The following NDUFS2 variants were observed in gnomAD, a reference collection of about 807,000 sequenced individuals.
NDUFS2 encodes NADH dehydrogenase [ubiquinone] iron-sulfur protein 2, mitochondrial.
In NDUFS2, 38 loss-of-function variants were observed where a neutral mutation model predicts 69.6. That is an observed-to-expected ratio of 0.55 (90% confidence interval 0.42 to 0.72). NDUFS2 has a LOEUF of 0.72. Among genes scored for constraint, NDUFS2 ranks in the 30% least tolerant of loss-of-function variants. The pLI is 0.00. For missense variants in NDUFS2, 468 were observed against 595.0 expected (o/e 0.79, Z 2.22); for synonymous variants, 194 against 211.2 (o/e 0.92, Z 0.70).
At position 161,205,745 on chromosome 1, in the gene NDUFS2, G is replaced by C. The variant is rs1665424489; in HGVS notation, c.203-662G>C. 3.3e-5 allele frequency among the ~76,000 whole-genome samples: 5 copies of C among 150,688 alleles called. No homozygotes were observed. The Admixed American group carries it at 3.3e-4, about 10-fold the overall frequency. ...ATGGTGCTGCTGCACTCCAGCCTGG[G>C]TGCAGAGTGAGACTCTGTCTCAAAA... On this transcript the variant is annotated intron_variant, in intron 2 of 13. Coordinates refer to ENST00000676972, the MANE Select transcript of NDUFS2 (RefSeq NM_001377299.1).
intron 3 of NDUFS2, among the ~76,000 whole-genome samples, chr1:161,207,086 A>G (rs944254712): frequency 6.6e-6 from 1 of 152,220 alleles, no homozygotes; most frequent in African/African-American, 2.4e-5. Flanking sequence ...AACCCAAATG[A>G]TGAAGGTCAG....
chr1:161,198,432 T>TCTCTGGAAA (rs767731851), upstream of NDUFS2: 29 of 1,592,494 alleles, frequency 1.8e-5, no homozygotes, highest in Non-Finnish European at 2.4e-5. The surrounding 1 kb of genome is among the most constrained non-coding windows in gnomAD (Gnocchi z 4.7). Context: ...CCGTTGAGCT[T>TCTCTGGAAA]CTCTGGAAAC....
intron 2 of NDUFS2, among the ~76,000 whole-genome samples, chr1:161,204,922 G>A (rs1248844250): frequency 4.6e-5 from 7 of 152,020 alleles, no homozygotes; most frequent in East Asian, 1.9e-4. Flanking sequence ...GTGGTGGCAC[G>A]CACCTGTAAT....
chr1:161,211,688 C>T (rs1210640384), intron 9 of NDUFS2, among the ~76,000 whole-genome samples: 1 of 151,490 alleles, frequency 6.6e-6, no homozygotes, highest in Non-Finnish European at 1.5e-5. Context: ...AAATTCTCCT[C>T]CTGTTTTCTC....
chr1:161,213,112 C>T, intron 10 of NDUFS2: 1 of 386,920 alleles, frequency 2.6e-6, no homozygotes, highest in Non-Finnish European at 5.0e-6. Flanking sequence ...ACTCTGTTGG[C>T]CAGGCTGGTC....
chr1:161,206,747 A>C (rs1467450371), intron 3 of NDUFS2, 150 bp downstream of exon 3: 3 of 804,726 alleles, frequency 3.7e-6, no homozygotes, highest in Non-Finnish European at 5.9e-6. Flanking sequence ...GATGGAGGGA[A>C]GTGGCAGGGG....
chr1:161,202,117 G>C, upstream of NDUFS2: 1 of 544,310 alleles, frequency 1.8e-6, no homozygotes, highest in Non-Finnish European at 3.3e-6. Flanking sequence ...CCCCACGCAG[G>C]AACGGCAATT....
At chr1:161,200,616 T>C (rs1353812253), upstream of NDUFS2, among the ~76,000 whole-genome samples, 2 of 152,112 alleles carry the variant, frequency 1.3e-5, 1 homozygote, top group South Asian at 4.1e-4. Context: ...TATCACTTCC[T>C]GGATCACCCA....
At chr1:161,202,551 C>A (rs896977566) in intron 1 of NDUFS2, 71 bp downstream of exon 1, 3 of 1,423,190 alleles carry the variant, frequency 2.1e-6, no homozygotes, top group Admixed American at 3.9e-5. Context: ...ACGCTTTACT[C>A]CCCCAGAAAA....
chr1:161,203,344 T>A (rs1304841612), intron 1 of NDUFS2, 93 bp from the exon 2 acceptor site: 9 of 1,047,478 alleles, frequency 8.6e-6, no homozygotes, highest in South Asian at 6.6e-5. Context: ...AAAAAACAGG[T>A]CATCCTTCCT....
intron 2 of NDUFS2, among the ~76,000 whole-genome samples, chr1:161,205,100 T>C (rs758748624): frequency 1.1e-4 from 17 of 151,988 alleles, no homozygotes; most frequent in Non-Finnish European, 1.3e-4. Flanking sequence ...CTCGGGTCTG[T>C]CAGACTCCAA....
chr1:161,214,084 CT>C, intron 13 of NDUFS2, 71 bp from the exon 14 acceptor site: 1 of 1,613,620 alleles, frequency 6.2e-7, no homozygotes, highest in Non-Finnish European at 8.5e-7. Flanking sequence ...GGTAACACCA[CT>C]TTTTTTGTTT....
rs758249601 is a variant in NDUFS2, at chr1:161,202,368, G to A, written c.-18G>A. On this transcript the variant is annotated 5_prime_UTR_variant, in exon 1 of 14. Transcript: ENST00000676972. Reference sequence around the variant, plus strand: ...CTTCCGCCCGGTTCTCCTTCCCGCAGTCTGCAGCCGGAGTAAGATGGCGGC... The same window carrying A: ...CTTCCGCCCGGTTCTCCTTCCCGCAATCTGCAGCCGGAGTAAGATGGCGGC... 2 of 1,606,202 alleles carry A rather than the reference G, an allele frequency of 1.2e-6. No homozygotes were observed. Among genetic ancestry groups the A allele is most frequent in the Non-Finnish European group, 1.7e-6 (2 of 1,176,740 alleles).
At position 161,213,416 on chromosome 1, in the gene NDUFS2, T is replaced by C. The variant is rs201248152; in HGVS notation, c.1153T>C (p.Tyr385His). The change falls in exon 11 of 14, where the codon TAT becomes CAT. Residue 385 changes from tyrosine to histidine, a missense_variant. By Grantham distance (83) the Tyr-to-His change is moderately conservative. Transcript: ENST00000676972. Reference sequence around the variant, plus strand: ...GTCACTGATTCATCACTTTAAGTTGTATACTGAGGGCTACCAAGTTCCTCC... The same window carrying C: ...GTCACTGATTCATCACTTTAAGTTGCATACTGAGGGCTACCAAGTTCCTCC... ...MESLIHHFKL[Y>H]TEGYQVPPGA... 6.2e-7 allele frequency: 1 copy of C among 1,611,042 alleles called. No individual in the cohort carries two copies. Among genetic ancestry groups the C allele is most frequent in the African/African-American group, 1.3e-5 (1 of 74,896 alleles).
chr1:161,198,480 G>T (rs201397731), upstream of NDUFS2: 8 of 1,568,962 alleles, frequency 5.1e-6, no homozygotes, highest in Admixed American at 1.5e-4. The surrounding 1 kb of genome is among the most constrained non-coding windows in gnomAD (Gnocchi z 4.7). Flanking sequence ...CTGGCCAGCC[G>T]GGCTGAGGGC....
chr1:161,203,642 C>T, intron 2 of NDUFS2, 99 bp downstream of exon 2: 1 of 1,051,578 alleles, frequency 9.5e-7, no homozygotes, highest in South Asian at 1.4e-5. Flanking sequence ...GTCTCCCTGG[C>T]TGGAGTGCAG....
intron 9 of NDUFS2, among the ~76,000 whole-genome samples, chr1:161,211,678 A>G (rs548502757): frequency 1.1e-4 from 16 of 152,012 alleles, no homozygotes; most frequent in African/African-American, 3.9e-4. Context: ...AACCAAAAAC[A>G]AATTCTCCTC....
chr1:161,199,901 A>C (rs1665042801), upstream of NDUFS2, among the ~76,000 whole-genome samples: 2 of 106,288 alleles, frequency 1.9e-5, no homozygotes, highest in Admixed American at 1.1e-4. Flanking sequence ...CCACTTCCTG[A>C]CTCCCCATTT....
upstream of NDUFS2, chr1:161,198,917 C>T (rs949394803): frequency 1.0e-5 from 4 of 383,746 alleles, no homozygotes; most frequent in Non-Finnish European, 1.9e-5. This position sits in a 1 kb window ranked among gnomAD's most constrained non-coding sequence, Gnocchi z 4.7. Context: ...TCTGGCCTCT[C>T]CCTCTGTAGG....
Sources: allele counts gnomAD v4.1 joint callset (sites outside exome capture counted in the v4.1 genomes callset), GRCh38; gene constraint gnomAD v4.1.1; non-coding constraint Gnocchi (gnomAD v3.1); transcripts MANE v1.5; gene names NCBI Gene and HGNC (gene_info 2026-07-23, HGNC 2026-07-21).